FBXL20: variants seen among roughly 807,000 people sequenced by gnomAD.
The protein encoded by FBXL20 is F-box/LRR-repeat protein 20.
In FBXL20, 11 loss-of-function variants were observed where a neutral mutation model predicts 64.0. The ratio of observed to expected loss-of-function variants is 0.17; its 90% CI spans 0.11 to 0.28. The LOEUF (loss-of-function observed/expected upper bound fraction) is 0.28, where lower values mean the gene tolerates loss of function less well. FBXL20 is among the 10% of genes least tolerant of loss of function. The pLI, the probability that FBXL20 is intolerant of heterozygous loss-of-function variation, is 1.00. For missense variants in FBXL20, 303 were observed against 526.2 expected (o/e 0.58, Z 4.15); for synonymous variants, 184 against 189.0 (o/e 0.97, Z 0.22).
At chr17:39,350,241 G>GT (rs2047674666) in intron 1 of FBXL20, among the ~76,000 whole-genome samples, 1 of 152,128 alleles carries the variant, frequency 6.6e-6, no homozygotes, top group Non-Finnish European at 1.5e-5. Flanking sequence ...GCTCATGCCT[G>GT]TAACTTTGGG....
At chr17:39,274,926 A>T in intron 10 of FBXL20, 44 bp downstream of exon 10, 1 of 1,609,478 alleles carries the variant, frequency 6.2e-7, no homozygotes, top group Non-Finnish European at 8.5e-7. Flanking sequence ...GGTGAAGGAA[A>T]CTTTTGTTCT....
chr17:39,359,974 A>C (rs950309805), intron 1 of FBXL20, among the ~76,000 whole-genome samples: 1 of 152,218 alleles, frequency 6.6e-6, no homozygotes, highest in African/African-American at 2.4e-5. Flanking sequence ...AATTATTCAG[A>C]TAAAACATTA....
At chr17:39,270,725 G>T (rs978596836) in intron 11 of FBXL20, 71 bp downstream of exon 11, 93 of 1,305,458 alleles carry the variant, frequency 7.1e-5, no homozygotes, top group African/African-American at 1.5e-5. Context: ...CTTGCTGCTT[G>T]TTCTTCTGAA....
At chr17:39,364,124 A>T (rs2047834474) in intron 1 of FBXL20, among the ~76,000 whole-genome samples, 1 of 152,008 alleles carries the variant, frequency 6.6e-6, no homozygotes, top group African/African-American at 2.4e-5. Flanking sequence ...TCCTGGCCTC[A>T]AGTGATCCGC....
At chr17:39,265,687 A>ATTT (rs989432294) in intron 12 of FBXL20, among the ~76,000 whole-genome samples, 75 of 148,442 alleles carry the variant, frequency 5.1e-4, no homozygotes, top group East Asian at 4.5e-3. Context: ...AATTAAAAAA[A>ATTT]TTTTTTTTTT....
intron 4 of FBXL20, among the ~76,000 whole-genome samples, 162 bp downstream of exon 4, chr17:39,300,839 G>A (rs2047127703): frequency 6.6e-6 from 1 of 152,108 alleles, no homozygotes. Flanking sequence ...CTCAAAAACT[G>A]CAGAAACCCT....
intron 1 of FBXL20, among the ~76,000 whole-genome samples, chr17:39,358,631 G>A (rs992819373): frequency 6.6e-6 from 1 of 151,946 alleles, no homozygotes; most frequent in Admixed American, 6.6e-5. Context: ...GCAGTGAGCT[G>A]AGATCAAACC....
intron 1 of FBXL20, among the ~76,000 whole-genome samples, chr17:39,374,043 T>C (rs1177754429): frequency 6.7e-6 from 1 of 149,982 alleles, no homozygotes; most frequent in Non-Finnish European, 1.5e-5. Context: ...CCAACATGGC[T>C]AGACCCCACC....
At chr17:39,398,834 C>T (rs1038229925) in intron 1 of FBXL20, among the ~76,000 whole-genome samples, 1 of 152,106 alleles carries the variant, frequency 6.6e-6, no homozygotes, top group South Asian at 2.1e-4. Context: ...ACTACCACGC[C>T]CGGCTAATTT....
chr17:39,286,755 A>G (rs1597775852), intron 6 of FBXL20, among the ~76,000 whole-genome samples: 1 of 151,530 alleles, frequency 6.6e-6, no homozygotes, highest in African/African-American at 2.4e-5. Flanking sequence ...CCAAGATTGC[A>G]CCATTGCACT....
At chr17:39,264,441 A>G in intron 13 of FBXL20, 54 bp from the exon 14 acceptor site, 1 of 1,568,894 alleles carries the variant, frequency 6.4e-7, no homozygotes, top group Non-Finnish European at 8.7e-7. Flanking sequence ...GCATTCCTCT[A>G]GCCAGAGGCT....
chr17:39,274,317 T>C (rs970000370), intron 10 of FBXL20, among the ~76,000 whole-genome samples: 5 of 152,160 alleles, frequency 3.3e-5, no homozygotes, highest in African/African-American at 7.2e-5. Context: ...GGTGAGATGA[T>C]CACTTGAGCC....
chr17:39,307,133 G>T (rs1447676720), intron 2 of FBXL20, among the ~76,000 whole-genome samples: 1 of 152,216 alleles, frequency 6.6e-6, no homozygotes, highest in Non-Finnish European at 1.5e-5. Flanking sequence ...AAAACATTCT[G>T]ATTTGGAGGG....
chr17:39,321,265 A>C (rs1409334533), intron 2 of FBXL20, among the ~76,000 whole-genome samples: 3 of 151,936 alleles, frequency 2.0e-5, no homozygotes, highest in Non-Finnish European at 4.4e-5. Context: ...CAGCCTGGCC[A>C]CCACAGTAAA....
chr17:39,279,617 C>A (rs1270527069), intron 9 of FBXL20, among the ~76,000 whole-genome samples: 1 of 152,018 alleles, frequency 6.6e-6, no homozygotes, highest in African/African-American at 2.4e-5. Flanking sequence ...GTACTGTTGG[C>A]CAGGCACGTG....
chr17:39,380,201 T>G (rs181611268), intron 1 of FBXL20, among the ~76,000 whole-genome samples: 3 of 152,300 alleles, frequency 2.0e-5, no homozygotes, highest in Non-Finnish European at 1.5e-5. Context: ...CCTCTTCTGC[T>G]GAAAACAGAA....
At chr17:39,375,433 T>C (rs1220911094) in intron 1 of FBXL20, among the ~76,000 whole-genome samples, 1 of 152,040 alleles carries the variant, frequency 6.6e-6, no homozygotes, top group Non-Finnish European at 1.5e-5. Context: ...AAAAATCAAA[T>C]ATTTACAGTT....
intron 9 of FBXL20, among the ~76,000 whole-genome samples, chr17:39,276,629 A>G (rs1410422447): frequency 6.6e-6 from 1 of 152,002 alleles, no homozygotes; most frequent in Non-Finnish European, 1.5e-5. Context: ...AGATTGTGCC[A>G]CTGCACTCCA....
At chr17:39,351,825 G>A (rs376525444) in intron 1 of FBXL20, among the ~76,000 whole-genome samples, 57 of 152,090 alleles carry the variant, frequency 3.7e-4, no homozygotes, top group African/African-American at 1.3e-3. Flanking sequence ...CACTGTGATA[G>A]CCATGACTTC....
Sources: gnomAD v4.1 joint callset for allele counts (sites outside exome capture counted in the v4.1 genomes callset) on GRCh38, gnomAD v4.1.1 for gene constraint, MANE v1.5 for transcripts, NCBI Gene and HGNC (gene_info 2026-07-23, HGNC 2026-07-21) for gene names.